The following KCNMA1 variants were observed in gnomAD, a reference collection of about 807,000 sequenced individuals.
KCNMA1 encodes the protein potassium calcium-activated channel subfamily M alpha 1.
Under a neutral mutation model 140.0 loss-of-function variants are expected in KCNMA1, and 29 were observed. That is an observed-to-expected ratio of 0.21 (90% CI 0.15 to 0.28). The LOEUF (loss-of-function observed/expected upper bound fraction) is 0.28, where lower values mean the gene tolerates loss of function less well. KCNMA1 is among the 10% of genes least tolerant of loss of function. The pLI is 1.00. For missense variants in KCNMA1, 880 were observed against 1,602.2 expected, an observed-to-expected ratio of 0.55 and a Z score of 7.70; for synonymous variants, 612 against 611.9, an observed-to-expected ratio of 1.00 and a Z score of 0.00.
At chr10:77,013,565 G>A (rs543650579) in intron 17 of KCNMA1, among the ~76,000 whole-genome samples, 5 of 152,292 alleles carry the variant, frequency 3.3e-5, no homozygotes, top group South Asian at 4.1e-4. Context: ...GTAACTCTGC[G>A]TCCACTTCCT....
chr10:77,319,309 C>G (rs1287590328), intron 2 of KCNMA1, among the ~76,000 whole-genome samples: 2 of 152,092 alleles, frequency 1.3e-5, no homozygotes, highest in Non-Finnish European at 2.9e-5. Context: ...CAAAAAGGAA[C>G]AACACAGACT....
At chr10:77,627,843 T>C (rs1020481442) in intron 1 of KCNMA1, among the ~76,000 whole-genome samples, 2 of 152,228 alleles carry the variant, frequency 1.3e-5, no homozygotes, top group Non-Finnish European at 2.9e-5. Context: ...TAGGGTGGGC[T>C]TCCAGCACTG....
intron 5 of KCNMA1, among the ~76,000 whole-genome samples, chr10:77,164,000 G>A (rs544807357): frequency 1.3e-5 from 2 of 152,192 alleles, no homozygotes; most frequent in South Asian, 4.1e-4. Context: ...CAAATTCCTG[G>A]GCATCCCCAG....
At chr10:76,897,100 T>C (rs1310589463) in intron 25 of KCNMA1, among the ~76,000 whole-genome samples, 3 of 151,688 alleles carry the variant, frequency 2.0e-5, no homozygotes, top group Non-Finnish European at 4.4e-5. Context: ...TAGAGAAAGA[T>C]ATAGGGATTT....
rs571948285 is a variant in KCNMA1 at position 77,101,767 on chromosome 10, G to A, written c.1223+6714C>T. Among the ~76,000 whole-genome samples the A allele has an allele frequency of 4.6e-5, 7 of 152,310 alleles. No homozygotes were observed. In the South Asian group the frequency reaches 1.5e-3, roughly 32 times the overall value. ...TTTATAGGAAACACCCCTCATGAGA[G>A]CAGTCCGCCCCTTGCAGGCGAGGAA... On this transcript the variant is annotated intron_variant, in intron 9 of 27. Coordinates refer to ENST00000286628, the MANE Select transcript of KCNMA1 (RefSeq NM_001161352.2).
intron 1 of KCNMA1, among the ~76,000 whole-genome samples, chr10:77,435,464 G>C (rs1045569760): frequency 1.3e-5 from 2 of 152,158 alleles, no homozygotes; most frequent in African/African-American, 4.8e-5. Flanking sequence ...GACAGGCAAG[G>C]GTTAAGAGAT....
intron 3 of KCNMA1, among the ~76,000 whole-genome samples, chr10:77,203,749 A>G (rs1426706989): frequency 6.6e-6 from 1 of 152,168 alleles, no homozygotes; most frequent in Non-Finnish European, 1.5e-5. Flanking sequence ...GATACTAGGG[A>G]AGTCCCATCT....
At chr10:76,925,872 T>A (rs956294148) in intron 23 of KCNMA1, among the ~76,000 whole-genome samples, 1 of 152,206 alleles carries the variant, frequency 6.6e-6, no homozygotes, top group Non-Finnish European at 1.5e-5. Context: ...GTTTGCCAAG[T>A]GATCCAAGGC....
At chr10:77,213,014 A>AT (rs569698244) in intron 3 of KCNMA1, among the ~76,000 whole-genome samples, 26 of 149,194 alleles carry the variant, frequency 1.7e-4, no homozygotes, top group Admixed American at 5.3e-4. Context: ...ATAGTTCTGG[A>AT]TTTTTTTTTT....
At chr10:77,503,665 T>C (rs536450764) in intron 1 of KCNMA1, among the ~76,000 whole-genome samples, 22 of 152,338 alleles carry the variant, frequency 1.4e-4, no homozygotes, top group Middle Eastern at 3.4e-3. Flanking sequence ...CAGGCGTACA[T>C]ACTAAGCACC....
At chr10:77,066,193 C>A (rs1004413289) in intron 14 of KCNMA1, among the ~76,000 whole-genome samples, 11 of 152,090 alleles carry the variant, frequency 7.2e-5, no homozygotes, top group South Asian at 2.1e-4. Context: ...GTGGTAAGGG[C>A]AGAGCAGACA....
chr10:77,265,404 G>C (rs1353767207), intron 2 of KCNMA1, among the ~76,000 whole-genome samples: 3 of 152,170 alleles, frequency 2.0e-5, no homozygotes, highest in Admixed American at 2.0e-4. Context: ...CTGGTTCAGA[G>C]ACCACATTTT....
intron 18 of KCNMA1, among the ~76,000 whole-genome samples, chr10:77,007,892 G>T (rs894596624): frequency 3.3e-5 from 5 of 151,874 alleles, no homozygotes; most frequent in Non-Finnish European, 5.9e-5. Flanking sequence ...ACACACTGTT[G>T]TCAAGGTCTT....
chr10:76,997,042 A>G (rs992322276), intron 19 of KCNMA1, among the ~76,000 whole-genome samples: 4 of 152,154 alleles, frequency 2.6e-5, no homozygotes, highest in Non-Finnish European at 4.4e-5. Flanking sequence ...GATTTTATGT[A>G]CTTCAAAATG....
chr10:77,111,034 T>G (rs575508453), intron 7 of KCNMA1, among the ~76,000 whole-genome samples: 101 of 152,326 alleles, frequency 6.6e-4, no homozygotes, highest in African/African-American at 2.4e-3. Flanking sequence ...TTCAGTTTTG[T>G]GGGCGACACA....
intron 2 of KCNMA1, among the ~76,000 whole-genome samples, chr10:77,358,354 T>C (rs1309545267): frequency 6.6e-6 from 1 of 152,160 alleles, no homozygotes; most frequent in African/African-American, 2.4e-5. Flanking sequence ...CACTGACTTA[T>C]CTGTAGTAGA....
At chr10:76,922,585 A>T (rs547035837) in intron 23 of KCNMA1, among the ~76,000 whole-genome samples, 13 of 152,258 alleles carry the variant, frequency 8.5e-5, no homozygotes, top group African/African-American at 3.1e-4. Context: ...AAGATGGTAA[A>T]GGTTCTGTGG....
intron 19 of KCNMA1, among the ~76,000 whole-genome samples, chr10:76,978,983 CTA>C (rs1447130692): frequency 6.6e-6 from 1 of 152,070 alleles, no homozygotes; most frequent in Non-Finnish European, 1.5e-5. Flanking sequence ...TTGCATGAAA[CTA>C]TCATTTATCT....
chr10:77,537,799 G>A (rs1362791942), intron 1 of KCNMA1, among the ~76,000 whole-genome samples: 2 of 151,810 alleles, frequency 1.3e-5, no homozygotes, highest in Non-Finnish European at 2.9e-5. Flanking sequence ...TCATCACAGT[G>A]GGCCGTTCGG....
Sources: allele counts gnomAD v4.1 joint callset (sites outside exome capture counted in the v4.1 genomes callset), GRCh38; gene constraint gnomAD v4.1.1; transcripts MANE v1.5; gene names NCBI Gene and HGNC (gene_info 2026-07-23, HGNC 2026-07-21).